TMEM116: variants seen among roughly 807,000 people sequenced by gnomAD.
TMEM116 encodes the protein transmembrane protein 116.
Under a neutral mutation model 44.3 loss-of-function variants are expected in TMEM116, and 38 were observed. The ratio of observed to expected loss-of-function variants is 0.86; its 90% CI spans 0.66 to 1.12. TMEM116 has a LOEUF of 1.12. Ranked by LOEUF, TMEM116 falls within the 50% of genes most tolerant of loss-of-function variation. TMEM116 has a pLI of 0.00. For synonymous variants in TMEM116, 132 were observed against 144.8 expected, an observed-to-expected ratio of 0.91 and a Z score of 0.64; for missense variants, 354 against 401.7, an observed-to-expected ratio of 0.88 and a Z score of 1.01.
At chr12:111,978,860 C>A in intron 4 of TMEM116, 1 of 380,788 alleles carries the variant, frequency 2.6e-6, no homozygotes, top group Admixed American at 2.9e-5. Flanking sequence ...TGAACTAAGA[C>A]ACCATGCAGA....
At chr12:111,949,754 C>T (rs1372394991) in intron 4 of TMEM116, among the ~76,000 whole-genome samples, 1 of 152,090 alleles carries the variant, frequency 6.6e-6, no homozygotes, top group Non-Finnish European at 1.5e-5. Flanking sequence ...CTTCTAGGTA[C>T]CTCCAATCCA....
chr12:111,957,606 C>T (rs1466936139), intron 4 of TMEM116, among the ~76,000 whole-genome samples: 1 of 150,482 alleles, frequency 6.6e-6, no homozygotes, highest in Non-Finnish European at 1.5e-5. Context: ...GCCAGCCGCC[C>T]CGTCCGGGAG....
chr12:111,974,564 G>A (rs2075555510), intron 4 of TMEM116, among the ~76,000 whole-genome samples: 1 of 151,608 alleles, frequency 6.6e-6, no homozygotes, highest in East Asian at 1.9e-4. Context: ...AGGCTGAGGT[G>A]GGAGAATCAC....
At chr12:111,945,210 G>A (rs555314399) in intron 4 of TMEM116, among the ~76,000 whole-genome samples, 2 of 151,432 alleles carry the variant, frequency 1.3e-5, no homozygotes, top group Admixed American at 6.6e-5. Context: ...CAGGCATGGT[G>A]GTGTGTGCCT....
At chr12:111,943,238 T>A in intron 5 of TMEM116, 27 bp downstream of exon 5, 1 of 1,560,844 alleles carries the variant, frequency 6.4e-7, no homozygotes, top group Non-Finnish European at 8.8e-7. Context: ...ATACTATTAT[T>A]AACTATCAGC....
chr12:111,935,664 TGAGACA>T, intron 8 of TMEM116: 1 of 107,446 alleles, frequency 9.3e-6, no homozygotes, highest in Middle Eastern at 5.3e-3. Context: ...GTGTGTGTTT[TGAGACA>T]GAGTATCCTC....
chr12:111,969,142 G>A (rs935857600), intron 4 of TMEM116, among the ~76,000 whole-genome samples: 6 of 151,636 alleles, frequency 4.0e-5, no homozygotes, highest in African/African-American at 1.2e-4. Context: ...CCAACGTGGA[G>A]AAATCCCGTC....
At chr12:111,947,344 A>G (rs899181811) in intron 4 of TMEM116, among the ~76,000 whole-genome samples, 7 of 152,124 alleles carry the variant, frequency 4.6e-5, no homozygotes, top group African/African-American at 1.7e-4. Context: ...TTTGACTTCA[A>G]ACTAACTTTG....
chr12:111,998,825 C>CAAAGGGGG (rs941705036), intron 3 of TMEM116, among the ~76,000 whole-genome samples: 2 of 151,494 alleles, frequency 1.3e-5, no homozygotes, highest in African/African-American at 4.9e-5. Flanking sequence ...TCAGGAAAGG[C>CAAAGGGGG]AAAGGGGGAA....
chr12:111,970,772 T>A (rs2136454703), intron 4 of TMEM116, among the ~76,000 whole-genome samples: 1 of 151,884 alleles, frequency 6.6e-6, no homozygotes, highest in South Asian at 2.1e-4. Context: ...TATTTTTTAG[T>A]GGAGATGGGG....
At chr12:111,945,073 TAAAAAAAAAAAAA>T (rs1231486290) in intron 4 of TMEM116, among the ~76,000 whole-genome samples, 1 of 56,622 alleles carries the variant, frequency 1.8e-5, no homozygotes, top group African/African-American at 6.8e-5. Flanking sequence ...AGACTCCATC[TAAAAAAAAAAAAA>T]AAAAAAAAAG....
rs191469499 is a variant in TMEM116 at position 111,975,480 on chromosome 12, T to C, written c.210+16278A>G. On this transcript the variant is annotated intron_variant, in intron 4 of 10. Coordinates refer to ENST00000552374, the MANE Select transcript of TMEM116 (RefSeq NM_001193531.2). ...TAACAAGCATATTCTAGAATTCATATGAAAAAGGTAAAGAACATAGAAGAG... is the reference window on the plus strand; with the variant it reads ...TAACAAGCATATTCTAGAATTCATACGAAAAAGGTAAAGAACATAGAAGAG... Among the ~76,000 whole-genome samples the C allele has an allele frequency of 8.7e-4, 133 of 152,178 alleles. No individual in the cohort carries two copies. The Middle Eastern group carries it at 0.01, about 12-fold the overall frequency.
intron 4 of TMEM116, among the ~76,000 whole-genome samples, chr12:111,970,126 C>T (rs1447231288): frequency 6.6e-6 from 1 of 151,518 alleles, no homozygotes; most frequent in Non-Finnish European, 1.5e-5. Context: ...ATTAGCTGGG[C>T]TTGTAATCCT....
chr12:111,957,322 C>A (rs1412359028), intron 4 of TMEM116, among the ~76,000 whole-genome samples: 2 of 151,950 alleles, frequency 1.3e-5, no homozygotes, highest in Admixed American at 1.3e-4. Flanking sequence ...CCGCCGCCAC[C>A]CCGTCTGGGA....
chr12:111,936,823 A>G lies in TMEM116; in HGVS notation c.457T>C (p.Leu153=). ...ATGGCTGATGGTGGTGAGTGCATCA[A>G]GATACACCTAGGAAGAAAATCAATA... ...QNFSQSHKCI[L]MHSPPSAMAE... Residue 153 remains leucine (L), a synonymous_variant, in exon 8 of 11, where the codon TTG becomes CTG. Transcript: ENST00000552374. The G allele has an allele frequency of 1.9e-6, 3 of 1,598,594 alleles. No homozygotes were observed. Among genetic ancestry groups the G allele is most frequent in the Non-Finnish European group, 2.6e-6 (3 of 1,173,578 alleles).
intron 4 of TMEM116, among the ~76,000 whole-genome samples, chr12:111,976,464 G>A (rs2075678677): frequency 6.6e-6 from 1 of 152,066 alleles, no homozygotes; most frequent in East Asian, 1.9e-4. Context: ...TGGGCAACAA[G>A]AGCAAAATTG....
chr12:111,999,186 C>G (rs918947850), intron 3 of TMEM116, among the ~76,000 whole-genome samples: 1 of 151,456 alleles, frequency 6.6e-6, no homozygotes, highest in African/African-American at 2.4e-5. Flanking sequence ...AGCAAAAACT[C>G]TTAAAAAAAA....
intron 3 of TMEM116, among the ~76,000 whole-genome samples, chr12:111,995,507 G>A (rs2076884167): frequency 6.6e-6 from 1 of 152,166 alleles, no homozygotes; most frequent in South Asian, 2.1e-4. Flanking sequence ...ACTTTGGGAG[G>A]TGGGCAGATC....
At position 111,931,434 on chromosome 12, in the gene TMEM116, A is replaced by T. The variant is rs1306694172; in HGVS notation, c.*187T>A. On this transcript the variant is annotated 3_prime_UTR_variant, in exon 11 of 11. Coordinates refer to ENST00000552374, the MANE Select transcript of TMEM116 (RefSeq NM_001193531.2). ...TAGAGACTTTAAGGATCACTAGTGAATCTGGGAATAACTGGAGAGATACTC... is the reference window on the plus strand; with the variant it reads ...TAGAGACTTTAAGGATCACTAGTGATTCTGGGAATAACTGGAGAGATACTC... The T allele has an allele frequency of 3.3e-6, 2 of 611,874 alleles. No individual in the cohort carries two copies. The highest frequency in any genetic ancestry group is 3.7e-5 in the African/African-American group (2 of 53,662). The allele number at this position is 611,874 out of a possible 1,614,324, so 37.9% of individuals were successfully genotyped here.
Sources: allele counts gnomAD v4.1 joint callset (sites outside exome capture counted in the v4.1 genomes callset), GRCh38; gene constraint gnomAD v4.1.1; transcripts MANE v1.5; gene names NCBI Gene and HGNC (gene_info 2026-07-23, HGNC 2026-07-21).